The following AGBL1 variants were observed in gnomAD, a reference collection of about 807,000 sequenced individuals.
AGBL1 encodes the protein cytosolic carboxypeptidase 4.
A neutral mutation model predicts 118.9 loss-of-function variants in AGBL1; 130 were observed. That is an observed-to-expected ratio of 1.09 (90% CI 0.95 to 1.26). The LOEUF is 1.26. Among genes scored for constraint, AGBL1 ranks in the 50% most tolerant of loss-of-function variants. The probability of loss-of-function intolerance (pLI) is 0.00; values close to 1 mark genes in which losing one functional copy is unlikely to be tolerated. For missense variants in AGBL1, 1,584 were observed against 1,298.1 expected (o/e 1.22, Z -3.38); for synonymous variants, 555 against 478.9 (o/e 1.16, Z -2.08).
chr15:86,701,199 T>C (rs2086352468), intron 22 of AGBL1, among the ~76,000 whole-genome samples: 1 of 152,106 alleles, frequency 6.6e-6, no homozygotes, highest in Non-Finnish European at 1.5e-5. Context: ...GTGTGCTCTT[T>C]ATAAAGTAAG....
At chr15:87,009,610 G>T (rs766268053) in intron 24 of AGBL1, among the ~76,000 whole-genome samples, 4 of 152,154 alleles carry the variant, frequency 2.6e-5, no homozygotes, top group Non-Finnish European at 5.9e-5. Flanking sequence ...CTGACAGCTT[G>T]CACTATGCAC....
rs1433453320 is a variant in AGBL1, at chr15:86,739,865, C to G, written c.3158+65429C>G. ...TGACACTAAGTTTATAAAGACCCTCCCTCTCCAGAAGGGTGGCCTAATGAA... is the reference window on the plus strand; with the variant it reads ...TGACACTAAGTTTATAAAGACCCTCGCTCTCCAGAAGGGTGGCCTAATGAA... On this transcript the variant is annotated intron_variant, in intron 22 of 22. Coordinates refer to ENST00000614907, the MANE Select transcript of AGBL1 (RefSeq NM_001386094.1). Among the ~76,000 whole-genome samples the G allele has an allele frequency of 2.0e-5, 3 of 152,224 alleles. No homozygotes were observed. The East Asian group carries it at 5.8e-4, about 29-fold the overall frequency.
intron 24 of AGBL1, among the ~76,000 whole-genome samples, chr15:87,006,640 C>A (rs182592208): frequency 6.6e-6 from 1 of 152,152 alleles, no homozygotes; most frequent in Non-Finnish European, 1.5e-5. Flanking sequence ...TTGCACTTCC[C>A]GGGTGAGGCA....
At chr15:86,935,084 C>A (rs1045448987) in intron 23 of AGBL1, 3 of 152,158 alleles carry the variant, frequency 2.0e-5, no homozygotes, top group African/African-American at 7.2e-5. Flanking sequence ...ATCCTCCAGG[C>A]TGAACCAGAT....
rs373683335 is a variant in AGBL1 at position 86,556,212 on chromosome 15, C to G, written c.2994+1675C>G. The G allele has an allele frequency of 1.0e-4, 163 of 1,610,346 alleles. No homozygotes were observed. In the African/African-American group the frequency reaches 2.1e-3, roughly 20 times the overall value. The stretch of plus-strand genomic sequence containing the variant: ...ATAGGTTCAGGCCCTCACCAACTCT[C>G]TACTGTGCAGTGTACACAGAGGCTG... On this transcript the variant is annotated intron_variant, in intron 21 of 22. Coordinates refer to ENST00000614907, the MANE Select transcript of AGBL1 (RefSeq NM_001386094.1).
chr15:86,622,027 C>T (rs978102509), intron 21 of AGBL1, among the ~76,000 whole-genome samples: 2 of 151,990 alleles, frequency 1.3e-5, no homozygotes, highest in African/African-American at 4.8e-5. Context: ...AAGATGAAAA[C>T]TTTGATAAGA....
chr15:86,772,212 G>A (rs946666056), intron 22 of AGBL1, among the ~76,000 whole-genome samples: 1 of 151,906 alleles, frequency 6.6e-6, no homozygotes, highest in Non-Finnish European at 1.5e-5. Context: ...TCTACTTCCT[G>A]GTTTGGGAAC....
chr15:86,974,861 G>C lies in AGBL1; in HGVS notation c.3222-13126G>C, dbSNP rs182432524. 3.6e-4 allele frequency among the ~76,000 whole-genome samples: 54 copies of C among 151,932 alleles called. 2 individuals carry two copies. The highest frequency in any genetic ancestry group is 1.9e-3 in the East Asian group (10 of 5,154). Reference sequence around the variant, plus strand: ...AGGTAACAATGTAGTAAATTGACAGGAGAGAAACCACACTTCTGGGTGATT... The same window carrying C: ...AGGTAACAATGTAGTAAATTGACAGCAGAGAAACCACACTTCTGGGTGATT... On this transcript the variant is annotated intron_variant, in intron 23 of 24. Transcript: ENST00000441037.
chr15:86,349,866 C>G (rs1357597256), intron 17 of AGBL1, among the ~76,000 whole-genome samples: 2 of 152,182 alleles, frequency 1.3e-5, no homozygotes, highest in Admixed American at 6.5e-5. Flanking sequence ...ATTTATATAT[C>G]TTTGGGCAAC....
intron 23 of AGBL1, among the ~76,000 whole-genome samples, chr15:86,955,653 A>C (rs541218567): frequency 6.6e-6 from 1 of 152,258 alleles, no homozygotes; most frequent in South Asian, 2.1e-4. Context: ...AATCAACAAA[A>C]GTTTTTAAAG....
intron 22 of AGBL1, among the ~76,000 whole-genome samples, chr15:86,779,462 G>T (rs1171562928): frequency 6.6e-6 from 1 of 152,094 alleles, no homozygotes; most frequent in Non-Finnish European, 1.5e-5. Context: ...AATCTCAGTG[G>T]GCATTTGGAT....
chr15:86,875,365 C>A (rs191501547), intron 22 of AGBL1, among the ~76,000 whole-genome samples: 192 of 152,294 alleles, frequency 1.3e-3, no homozygotes, highest in Admixed American at 3.3e-3. Context: ...GTACCAGTTT[C>A]CCTTAGACAC....
chr15:86,882,752 C>A (rs940319266), intron 22 of AGBL1, among the ~76,000 whole-genome samples: 1 of 152,098 alleles, frequency 6.6e-6, no homozygotes, highest in Non-Finnish European at 1.5e-5. Context: ...TGTAACTAAA[C>A]GACAACTCAC....
chr15:86,453,767 G>A (rs1450020506), intron 18 of AGBL1, among the ~76,000 whole-genome samples: 1 of 152,134 alleles, frequency 6.6e-6, no homozygotes, highest in East Asian at 1.9e-4. Context: ...GGATGTTTGA[G>A]TAAAACTTTG....
chr15:86,512,267 G>A (rs1417240084), intron 18 of AGBL1, among the ~76,000 whole-genome samples: 1 of 151,818 alleles, frequency 6.6e-6, no homozygotes, highest in African/African-American at 2.4e-5. Context: ...TGCTCATTTT[G>A]TTTATCTGGG....
intron 5 of AGBL1, among the ~76,000 whole-genome samples, chr15:86,179,376 T>C (rs2077523115): frequency 6.6e-6 from 1 of 152,238 alleles, no homozygotes; most frequent in Admixed American, 6.5e-5. Context: ...TCAAGTGATA[T>C]TTGTTGCAAG....
chr15:86,383,873 T>C (rs1341513200), intron 17 of AGBL1, among the ~76,000 whole-genome samples: 1 of 152,206 alleles, frequency 6.6e-6, no homozygotes, highest in Non-Finnish European at 1.5e-5. Context: ...AAGAAACATA[T>C]CTGACCTGAG....
chr15:86,675,643 T>G (rs1366645149), intron 22 of AGBL1, among the ~76,000 whole-genome samples: 1 of 152,174 alleles, frequency 6.6e-6, no homozygotes, highest in Non-Finnish European at 1.5e-5. Context: ...TTGGTATCTT[T>G]GTGGTGTTTT....
In AGBL1 at chr15:86,403,347, G is replaced by A. The variant is rs182910481; in HGVS notation, c.2555+5801G>A. Among the ~76,000 whole-genome samples the A allele has an allele frequency of 1.4e-3, 219 of 152,248 alleles. 1 individual carries two copies. Among genetic ancestry groups the A allele is most frequent in the Admixed American group, 4.8e-3 (73 of 15,284 alleles). On this transcript the variant is annotated intron_variant, in intron 18 of 22. Transcript: ENST00000614907. ...TTGATTATCTTCTTTCAAGGCCATT[G>A]TGGAACAGAAGCAAACAGCAATAAA...
Sources: allele counts gnomAD v4.1 joint callset (sites outside exome capture counted in the v4.1 genomes callset), GRCh38; gene constraint gnomAD v4.1.1; transcripts MANE v1.5; gene names NCBI Gene and HGNC (gene_info 2026-07-23, HGNC 2026-07-21).